SPAG9: variants seen among roughly 807,000 people sequenced by gnomAD.
The protein encoded by SPAG9 is C-Jun-amino-terminal kinase-interacting protein 4.
A neutral mutation model predicts 166.5 loss-of-function variants in SPAG9; 35 were observed. The observed-to-expected ratio is 0.21, with a 90% CI of 0.16 to 0.28. The LOEUF is 0.28. SPAG9 is among the 10% of genes least tolerant of loss of function. The pLI is 1.00. For missense variants in SPAG9, 1,235 were observed against 1,603.3 expected, an observed-to-expected ratio of 0.77 and a Z score of 3.92; for synonymous variants, 534 against 565.5, an observed-to-expected ratio of 0.94 and a Z score of 0.79.
intron 27 of SPAG9, chr17:50,975,789 T>A: frequency 9.3e-7 from 1 of 1,080,478 alleles, no homozygotes; most frequent in Non-Finnish European, 1.4e-6. Context: ...GAGGGTATTC[T>A]AGAGGAGTGG....
intron 9 of SPAG9, among the ~76,000 whole-genome samples, chr17:51,012,387 T>C (rs528661842): frequency 9.1e-4 from 139 of 152,082 alleles, no homozygotes; most frequent in South Asian, 5.0e-3. Flanking sequence ...CTGGCCAGTA[T>C]AGTAAAACCC....
intron 1 of SPAG9, among the ~76,000 whole-genome samples, chr17:51,089,661 T>TATATATATACAC (rs1426675943): frequency 1.0e-5 from 1 of 97,932 alleles, no homozygotes; most frequent in East Asian, 3.5e-4. Context: ...TATATATATA[T>TATATATATACAC]ATACACATAC....
At chr17:51,059,493 G>C (rs182065966) in intron 2 of SPAG9, among the ~76,000 whole-genome samples, 10 of 152,124 alleles carry the variant, frequency 6.6e-5, no homozygotes, top group Non-Finnish European at 1.3e-4. Flanking sequence ...GGTGGGTCAC[G>C]CCTGTAATCC....
chr17:51,097,924 G>A (rs541800804), intron 1 of SPAG9, among the ~76,000 whole-genome samples: 29 of 152,236 alleles, frequency 1.9e-4, no homozygotes, highest in African/African-American at 6.5e-4. Flanking sequence ...CAGGGCTCAA[G>A]CAATCCTCCT....
intron 1 of SPAG9, among the ~76,000 whole-genome samples, chr17:51,103,659 C>G (rs950437802): frequency 5.9e-5 from 9 of 152,104 alleles, no homozygotes; most frequent in African/African-American, 1.9e-4. Flanking sequence ...GGCACGGTGC[C>G]TCACATCTGT....
chr17:51,108,356 C>T (rs2049012342), intron 1 of SPAG9, among the ~76,000 whole-genome samples: 1 of 142,080 alleles, frequency 7.0e-6, no homozygotes, highest in Non-Finnish European at 1.5e-5. Context: ...CACTACACTC[C>T]AGCCTAGGTG....
chr17:51,002,576 T>A (rs73346151), intron 12 of SPAG9, among the ~76,000 whole-genome samples: 7,025 of 151,872 alleles, frequency 0.046, 375 homozygotes, highest in East Asian at 0.19. Flanking sequence ...TGAGCTTAGT[T>A]TGAGACCAGC....
chr17:51,076,884 G>A (rs1273228948), intron 2 of SPAG9, among the ~76,000 whole-genome samples: 7 of 151,966 alleles, frequency 4.6e-5, no homozygotes, highest in Admixed American at 3.9e-4. Context: ...CTTCATGCTA[G>A]GCATAGTGGC....
intron 13 of SPAG9, 146 bp downstream of exon 13, chr17:51,001,569 A>G (rs2044952305): frequency 1.4e-6 from 1 of 718,468 alleles, no homozygotes. Flanking sequence ...TCTGTTGCTA[A>G]TTCTGAGTGT....
intron 8 of SPAG9, among the ~76,000 whole-genome samples, chr17:51,018,561 T>C (rs891071151): frequency 2.6e-5 from 4 of 152,144 alleles, no homozygotes; most frequent in Non-Finnish European, 5.9e-5. Flanking sequence ...TTAAATCACA[T>C]TTATTTAGCA....
rs201154471 is a variant in SPAG9 at position 50,985,682 on chromosome 17, C to G, written c.3020+16G>C. 14 of 1,486,010 alleles carry G rather than the reference C, an allele frequency of 9.4e-6. No individual in the cohort carries two copies. Among genetic ancestry groups the G allele is most frequent in the African/African-American group, 2.8e-5 (2 of 71,910 alleles). The allele number at this position is 1,486,010 out of a possible 1,614,324, so 92.1% of individuals were successfully genotyped here. A position where few individuals can be genotyped will look rare whatever the true frequency, so the allele number is the denominator to read the frequency against. ...TGCATAGTTTTAACAAGAAGAATTT[C>G]CAAAATAAAACTTACACAATACTGA... On this transcript the variant is annotated intron_variant, in intron 23 of 29. Transcript: ENST00000262013.
intron 2 of SPAG9, among the ~76,000 whole-genome samples, chr17:51,060,263 G>C (rs566477309): frequency 6.6e-6 from 1 of 152,176 alleles, no homozygotes; most frequent in East Asian, 1.9e-4. Context: ...CCAGCACTTT[G>C]GGAGGCCGAG....
At chr17:51,041,433 G>A in intron 5 of SPAG9, 68 bp downstream of exon 5, 1 of 1,432,032 alleles carries the variant, frequency 7.0e-7, no homozygotes, top group Non-Finnish European at 9.6e-7. Context: ...TGGTCGTCTA[G>A]CACTTCAATT....
intron 26 of SPAG9, among the ~76,000 whole-genome samples, chr17:50,978,577 A>G (rs983814344): frequency 6.6e-5 from 10 of 152,236 alleles, no homozygotes; most frequent in African/African-American, 2.2e-4. Flanking sequence ...CAAGAATCAC[A>G]TAAGACTGGT....
Position 51,053,860 on chromosome 17 carries a change from T to A in SPAG9, c.495+2552A>T, listed in dbSNP as rs1236886092. Among the ~76,000 whole-genome samples the A allele has an allele frequency of 3.9e-3, 201 of 50,950 alleles. 4 individuals are homozygous for A. The highest frequency in any genetic ancestry group is 0.012 in the Middle Eastern group (1 of 84). The allele number at this position is 50,950 out of a possible 152,430, so 33.4% of individuals were successfully genotyped here. On this transcript the variant is annotated intron_variant, in intron 3 of 29. Coordinates refer to ENST00000262013, the MANE Select transcript of SPAG9 (RefSeq NM_001130528.3). ...TTAAAAAAAAAAAAAAAAAAGTATA[T>A]ATATATATATATATATATATATATA...
Position 50,984,786 on chromosome 17 carries a change from T to C in SPAG9, c.3088+137A>G, listed in dbSNP as rs529352658. 72 of 736,544 alleles carry C rather than the reference T, an allele frequency of 9.8e-5. No homozygotes were observed. The African/African-American group carries it at 1.1e-3, about 11-fold the overall frequency. 45.6% of individuals were successfully genotyped at this position (736,544 alleles called of 1,614,324 possible). The stretch of plus-strand genomic sequence containing the variant: ...GTATACCTCCATGCACGCACTAATA[T>C]ATTTACTGATGTTGTGTATTGTTAG... On this transcript the variant is annotated intron_variant, in intron 24 of 29. Transcript: ENST00000262013.
At chr17:51,012,315 T>C (rs2144082708) in intron 9 of SPAG9, among the ~76,000 whole-genome samples, 1 of 152,272 alleles carries the variant, frequency 6.6e-6, no homozygotes, top group African/African-American at 2.4e-5. Context: ...CTCATGCCTG[T>C]AATCCCAGCA....
intron 3 of SPAG9, among the ~76,000 whole-genome samples, chr17:51,053,854 AGTATATATATAT>A (rs1335186318): frequency 0.013 from 452 of 34,436 alleles, 4 homozygotes; most frequent in Non-Finnish European, 0.014. Context: ...AAAAAAAAAA[AGTATATATATAT>A]ATATATATAT....
In SPAG9 at chr17:51,120,221, TC is replaced by T. The variant is rs2049436575; in HGVS notation, c.303+132del. On this transcript the variant is annotated intron_variant, in intron 1 of 29. Coordinates refer to ENST00000262013, the MANE Select transcript of SPAG9 (RefSeq NM_001130528.3). This position sits in a 1 kb window ranked among gnomAD's most constrained non-coding sequence, Gnocchi z 4.7. ...GGTACCTGGAGGCCGCCGGGATCGG[TC>T]CCAGGGGGCATCGGCCTCAGGCCCG... The T allele has an allele frequency of 1.3e-6, 1 of 770,496 alleles. No homozygotes were observed. Among genetic ancestry groups the T allele is most frequent in the African/African-American group, 1.9e-5 (1 of 53,204 alleles). 47.7% of individuals were successfully genotyped at this position (770,496 alleles called of 1,614,324 possible). A position where few individuals can be genotyped will look rare whatever the true frequency, so the allele number is the denominator to read the frequency against.
Sources: gnomAD v4.1 joint callset for allele counts (sites outside exome capture counted in the v4.1 genomes callset) on GRCh38, gnomAD v4.1.1 for gene constraint, Gnocchi (gnomAD v3.1) non-coding constraint, MANE v1.5 for transcripts, NCBI Gene and HGNC (gene_info 2026-07-23, HGNC 2026-07-21) for gene names.